Variants in PPA2 observed in about 807,000 individuals in gnomAD.
The protein encoded by PPA2 is inorganic pyrophosphatase 2, mitochondrial.
Under a neutral mutation model 49.5 loss-of-function variants are expected in PPA2, and 48 were observed. That is an observed-to-expected ratio of 0.97 (90% confidence interval 0.77 to 1.23). PPA2 has a LOEUF of 1.23. Ranked by LOEUF, PPA2 falls within the 50% of genes most tolerant of loss-of-function variation. The probability of loss-of-function intolerance (pLI) is 0.00; values close to 1 mark genes in which losing one functional copy is unlikely to be tolerated. For synonymous variants in PPA2, 131 were observed against 139.9 expected, an observed-to-expected ratio of 0.94 and a Z score of 0.45; for missense variants, 429 against 410.1, an observed-to-expected ratio of 1.05 and a Z score of -0.40.
At chr4:105,473,147 A>G (rs1041206551) in intron 1 of PPA2, among the ~76,000 whole-genome samples, 1 of 152,122 alleles carries the variant, frequency 6.6e-6, no homozygotes, top group African/African-American at 2.4e-5. Flanking sequence ...TAACGTACAC[A>G]GTGAAACAAT....
At chr4:105,392,249 GA>G (rs1160779920) in intron 9 of PPA2, among the ~76,000 whole-genome samples, 2 of 150,438 alleles carry the variant, frequency 1.3e-5, no homozygotes, top group Admixed American at 6.6e-5. Flanking sequence ...TCCAGCAGTG[GA>G]AAAAAAGAAT....
At chr4:105,473,684 G>A (rs754001931) in intron 1 of PPA2, 2 of 833,082 alleles carry the variant, frequency 2.4e-6, no homozygotes, top group Non-Finnish European at 4.1e-6. Flanking sequence ...CTCCGCTTTG[G>A]GGTCTTGATC....
chr4:105,463,648 C>T (rs1287943247), intron 1 of PPA2, among the ~76,000 whole-genome samples: 1 of 152,204 alleles, frequency 6.6e-6, no homozygotes, highest in Non-Finnish European at 1.5e-5. Flanking sequence ...GGTGGTTTCG[C>T]TGGGCTCAGG....
At chr4:105,462,205 G>T (rs1723120853) in intron 1 of PPA2, among the ~76,000 whole-genome samples, 1 of 151,056 alleles carries the variant, frequency 6.6e-6, no homozygotes, top group South Asian at 2.1e-4. Flanking sequence ...TCTAGCACTA[G>T]GTTAAAAAAA....
intron 7 of PPA2, among the ~76,000 whole-genome samples, chr4:105,418,247 A>C (rs1723098181): frequency 1.3e-5 from 2 of 152,198 alleles, no homozygotes; most frequent in African/African-American, 4.8e-5. Context: ...ATTTTCCCTT[A>C]AGATCACTAT....
chr4:105,450,053 AT>A (rs1722601060), intron 3 of PPA2, among the ~76,000 whole-genome samples: 1 of 151,334 alleles, frequency 6.6e-6, no homozygotes. Flanking sequence ...TTTTTTTTTA[AT>A]TTCTGAACTT....
intron 6 of PPA2, among the ~76,000 whole-genome samples, chr4:105,426,254 C>A (rs193090324): frequency 1.3e-5 from 2 of 152,260 alleles, no homozygotes; most frequent in Admixed American, 6.5e-5. Flanking sequence ...GTCTACAGTT[C>A]CCAGTGAGAT....
chr4:105,425,576 C>T (rs186760483), intron 6 of PPA2, among the ~76,000 whole-genome samples: 1 of 152,088 alleles, frequency 6.6e-6, no homozygotes, highest in East Asian at 1.9e-4. Flanking sequence ...TCCTCTGGGA[C>T]AACATTCAGC....
At chr4:105,405,984 T>C (rs1425884834) in intron 7 of PPA2, 5 of 338,404 alleles carry the variant, frequency 1.5e-5, no homozygotes, top group African/African-American at 8.6e-5. Flanking sequence ...CAGAAATCAA[T>C]CCTTATGTGA....
At chr4:105,391,726 T>A (rs1393847388) in intron 9 of PPA2, among the ~76,000 whole-genome samples, 1 of 152,166 alleles carries the variant, frequency 6.6e-6, no homozygotes, top group Non-Finnish European at 1.5e-5. Flanking sequence ...TTTGGACACA[T>A]TGTTTAAGAA....
chr4:105,442,006 C>CTTT (rs11429892), intron 5 of PPA2, among the ~76,000 whole-genome samples: 2 of 144,002 alleles, frequency 1.4e-5, no homozygotes. Context: ...ACTACCATCA[C>CTTT]TTTTTTTTTT....
chr4:105,452,778 G>C (rs982534689), intron 3 of PPA2, among the ~76,000 whole-genome samples: 2 of 152,098 alleles, frequency 1.3e-5, no homozygotes, highest in Non-Finnish European at 2.9e-5. Context: ...ACTTGTAGCA[G>C]GAGATGGAAT....
intron 1 of PPA2, among the ~76,000 whole-genome samples, chr4:105,459,506 T>C (rs1393459098): frequency 1.3e-5 from 2 of 152,264 alleles, no homozygotes; most frequent in Non-Finnish European, 2.9e-5. Flanking sequence ...GAAAACAGTT[T>C]GGCTGTTTCT....
chr4:105,372,155 C>A (rs1165306461), intron 10 of PPA2, among the ~76,000 whole-genome samples: 1 of 152,164 alleles, frequency 6.6e-6, no homozygotes, highest in African/African-American at 2.4e-5. Flanking sequence ...ATTCCAGGGT[C>A]CTGGGTAGCC....
intron 2 of PPA2, 179 bp from the exon 3 acceptor site, chr4:105,453,821 A>G (rs1164198283): frequency 2.3e-6 from 1 of 436,618 alleles, no homozygotes; most frequent in East Asian, 3.5e-5. Flanking sequence ...TTGTATCCCC[A>G]GAATAGAGCA....
chr4:105,417,233 C>T (rs1180584228), intron 7 of PPA2, among the ~76,000 whole-genome samples: 1 of 152,162 alleles, frequency 6.6e-6, no homozygotes, highest in African/African-American at 2.4e-5. Flanking sequence ...GTGCCAATGT[C>T]CCCAAGAAAT....
At chr4:105,377,401 A>G (rs920652135) in intron 10 of PPA2, among the ~76,000 whole-genome samples, 1 of 152,190 alleles carries the variant, frequency 6.6e-6, no homozygotes, top group African/African-American at 2.4e-5. Context: ...CTGATAAGAT[A>G]CTATTATTAT....
At chr4:105,462,899 C>T (rs905063801) in intron 1 of PPA2, among the ~76,000 whole-genome samples, 2 of 152,214 alleles carry the variant, frequency 1.3e-5, no homozygotes, top group African/African-American at 4.8e-5. Flanking sequence ...TGAGGCCTCC[C>T]TACCCATGTA....
At chr4:105,425,205 G>C (rs1409900634) in intron 6 of PPA2, among the ~76,000 whole-genome samples, 1 of 152,092 alleles carries the variant, frequency 6.6e-6, no homozygotes, top group Non-Finnish European at 1.5e-5. Context: ...CTGTCAATAT[G>C]CAAGAAAATG....
Sources: gnomAD v4.1 joint callset for allele counts (sites outside exome capture counted in the v4.1 genomes callset) on GRCh38, gnomAD v4.1.1 for gene constraint, MANE v1.5 for transcripts, NCBI Gene and HGNC (gene_info 2026-07-23, HGNC 2026-07-21) for gene names.